The following CAMKMT variants were observed in gnomAD, a reference collection of about 807,000 sequenced individuals.
The protein encoded by CAMKMT is calmodulin-lysine N-methyltransferase, also known as CaM KMT.
CAMKMT carries 53 observed loss-of-function variants against 48.0 expected under a neutral mutation model. The ratio of observed to expected loss-of-function variants is 1.10; its 90% CI spans 0.89 to 1.39. The LOEUF (loss-of-function observed/expected upper bound fraction) is 1.39. Among genes scored for constraint, CAMKMT ranks in the 40% most tolerant of loss-of-function variants. The pLI, the probability that CAMKMT is intolerant of heterozygous loss-of-function variation, is 0.00. For synonymous variants in CAMKMT, 165 were observed against 152.3 expected (o/e 1.08, Z -0.61); for missense variants, 428 against 402.7 (o/e 1.06, Z -0.54).
Position 44,743,695 on chromosome 2 carries a change from T to TTTA in CAMKMT, c.697_698insTTA (p.Cys233delinsPheSer). 6.2e-7 allele frequency: 1 copy of TTTA among 1,608,606 alleles called. No homozygotes were observed. The highest frequency in any genetic ancestry group is 1.1e-5 in the South Asian group (1 of 90,546). On this transcript the variant is annotated protein_altering_variant and splice_region_variant, in exon 8 of 11. Transcript: ENST00000378494. ...TTTTGACATTGTTATGTGTGCTGAC[T>TTTA]GGTAAGTACATAAAAATCACAAAAC...
chr2:44,553,611 T>G (rs1160427548), intron 3 of CAMKMT, among the ~76,000 whole-genome samples: 2 of 152,182 alleles, frequency 1.3e-5, no homozygotes, highest in African/African-American at 4.8e-5. Context: ...TCTACCCAAC[T>G]CAGCTTCCCA....
intron 3 of CAMKMT, among the ~76,000 whole-genome samples, chr2:44,610,753 T>C (rs558257975): frequency 1.3e-5 from 2 of 152,354 alleles, no homozygotes; most frequent in South Asian, 2.1e-4. Context: ...ATGAAACATA[T>C]AGAACTCTTC....
At chr2:44,511,461 G>C (rs554035227) in intron 3 of CAMKMT, among the ~76,000 whole-genome samples, 1 of 151,932 alleles carries the variant, frequency 6.6e-6, no homozygotes, top group African/African-American at 2.4e-5. Context: ...GCTAATTTTT[G>C]TATTTTTGGT....
intron 3 of CAMKMT, among the ~76,000 whole-genome samples, chr2:44,588,130 A>C (rs1572863380): frequency 8.4e-6 from 1 of 118,782 alleles, no homozygotes; most frequent in Non-Finnish European, 1.8e-5. Context: ...CTGGGCCGCA[A>C]CCCTGTCTGG....
intron 3 of CAMKMT, among the ~76,000 whole-genome samples, chr2:44,510,332 A>T (rs1170421528): frequency 6.6e-6 from 1 of 152,172 alleles, no homozygotes; most frequent in Non-Finnish European, 1.5e-5. Flanking sequence ...ATTTGAGTTC[A>T]TCTGATGTCT....
intron 3 of CAMKMT, among the ~76,000 whole-genome samples, chr2:44,584,217 G>A (rs1256972951): frequency 2.0e-5 from 3 of 152,090 alleles, no homozygotes; most frequent in Non-Finnish European, 4.4e-5. Flanking sequence ...TTACTGATTA[G>A]CATTTTATTT....
chr2:44,689,565 A>G (rs1676528265), intron 3 of CAMKMT, among the ~76,000 whole-genome samples: 1 of 152,150 alleles, frequency 6.6e-6, no homozygotes, highest in Admixed American at 6.5e-5. Flanking sequence ...AAAACTGACA[A>G]TGAAAGTGTT....
chr2:44,389,152 G>A (rs1032684552), intron 2 of CAMKMT, among the ~76,000 whole-genome samples: 3 of 152,120 alleles, frequency 2.0e-5, no homozygotes, highest in African/African-American at 4.8e-5. Context: ...GCCTGTCTGA[G>A]CTCAGAATCT....
chr2:44,649,277 G>A (rs150346778), intron 3 of CAMKMT, among the ~76,000 whole-genome samples: 1 of 151,876 alleles, frequency 6.6e-6, no homozygotes. Flanking sequence ...TTGTTAATTC[G>A]GCCACCATTT....
chr2:44,641,921 C>A (rs1041304176), intron 3 of CAMKMT, among the ~76,000 whole-genome samples: 1 of 152,080 alleles, frequency 6.6e-6, no homozygotes, highest in Admixed American at 6.5e-5. Flanking sequence ...GCCATCCTTG[C>A]GCCAATATTA....
intron 3 of CAMKMT, among the ~76,000 whole-genome samples, chr2:44,699,571 G>A (rs1677147568): frequency 2.0e-5 from 3 of 152,082 alleles, no homozygotes; most frequent in Non-Finnish European, 2.9e-5. Context: ...AGCATAAGCA[G>A]AGTAGATTTT....
At chr2:44,658,211 C>A (rs1032879470) in intron 3 of CAMKMT, among the ~76,000 whole-genome samples, 36 of 152,326 alleles carry the variant, frequency 2.4e-4, no homozygotes, top group African/African-American at 7.0e-4. Context: ...GCTTCCATGT[C>A]TTCTAGTGCG....
chr2:44,619,152 T>C (rs1558748544), intron 3 of CAMKMT, among the ~76,000 whole-genome samples: 1 of 152,172 alleles, frequency 6.6e-6, no homozygotes, highest in Non-Finnish European at 1.5e-5. Context: ...CAGGATATCT[T>C]TGAGAAGCTT....
chr2:44,498,118 T>G (rs1669844692), intron 3 of CAMKMT, among the ~76,000 whole-genome samples: 1 of 152,192 alleles, frequency 6.6e-6, no homozygotes, highest in African/African-American at 2.4e-5. Flanking sequence ...GGAGTTCAAG[T>G]ATGTGTCTAT....
intron 3 of CAMKMT, among the ~76,000 whole-genome samples, chr2:44,584,776 C>T (rs913100030): frequency 4.6e-5 from 7 of 151,856 alleles, no homozygotes; most frequent in African/African-American, 1.2e-4. Flanking sequence ...AATAGTAGGC[C>T]GGGTGCGGTG....
intron 3 of CAMKMT, among the ~76,000 whole-genome samples, chr2:44,459,724 A>G (rs574284711): frequency 1.2e-4 from 18 of 152,310 alleles, no homozygotes; most frequent in African/African-American, 4.3e-4. Context: ...TAGTACTAGT[A>G]TATTTTATGT....
rs556062766 is a variant in CAMKMT, at chr2:44,721,777, C to A, written c.623+6424C>A. On this transcript the variant is annotated intron_variant, in intron 7 of 10. Coordinates refer to ENST00000378494, the MANE Select transcript of CAMKMT (RefSeq NM_024766.5). ...TTGAGCCCAGGAGTTCGAAATCAGC[C>A]TGGGAGTTTGAAATCAGCCTGGGCA... Among the ~76,000 whole-genome samples the A allele has an allele frequency of 3.4e-5, 5 of 149,180 alleles. No homozygotes were observed. The South Asian group carries it at 1.1e-3, about 32-fold the overall frequency.
At chr2:44,430,070 G>A (rs1485784953) in intron 3 of CAMKMT, among the ~76,000 whole-genome samples, 1 of 151,722 alleles carries the variant, frequency 6.6e-6, no homozygotes, top group African/African-American at 2.4e-5. Flanking sequence ...ACTTTCAATG[G>A]GCTTTCGGCT....
At chr2:44,672,353 T>C (rs1675379541) in intron 3 of CAMKMT, among the ~76,000 whole-genome samples, 1 of 152,178 alleles carries the variant, frequency 6.6e-6, no homozygotes, top group Non-Finnish European at 1.5e-5. Flanking sequence ...CTTTTTACAA[T>C]TTCAATTTGA....
Sources: allele counts gnomAD v4.1 joint callset (sites outside exome capture counted in the v4.1 genomes callset), GRCh38; gene constraint gnomAD v4.1.1; transcripts MANE v1.5; gene names NCBI Gene and HGNC (gene_info 2026-07-23, HGNC 2026-07-21).